Variants in ELF2 observed in about 807,000 individuals in gnomAD.
The protein encoded by ELF2 is E74 like ETS transcription factor 2.
A neutral mutation model predicts 54.8 loss-of-function variants in ELF2; 11 were observed. The observed-to-expected ratio is 0.20, with a 90% confidence interval of 0.13 to 0.33. ELF2 has a LOEUF of 0.33. Ranked by LOEUF, ELF2 falls within the 10% of genes least tolerant of loss-of-function variation. The pLI is 1.00. For synonymous variants in ELF2, 203 were observed against 245.1 expected (o/e 0.83, Z 1.61); for missense variants, 513 against 703.0 (o/e 0.73, Z 3.06).
rs539981644 is a variant in ELF2, at chr4:139,140,262, C to A, written c.-251-765G>T. Among the ~76,000 whole-genome samples, 4 of 152,286 alleles carry A rather than the reference C, an allele frequency of 2.6e-5. No homozygotes were observed. In the South Asian group the frequency reaches 6.2e-4, roughly 24 times the overall value. ...CACCAACTTAGCATCAGCACCCATCCAAACATCCCAAGCCCTACTTCTAAC... is the reference window on the plus strand; with the variant it reads ...CACCAACTTAGCATCAGCACCCATCAAAACATCCCAAGCCCTACTTCTAAC... On this transcript the variant is annotated intron_variant, in intron 1 of 9. Transcript: ENST00000686138.
intron 1 of ELF2, among the ~76,000 whole-genome samples, chr4:139,176,448 G>T (rs1384612832): frequency 7.0e-6 from 1 of 142,550 alleles, no homozygotes; most frequent in Non-Finnish European, 1.5e-5. Flanking sequence ...CCCAGGTCCC[G>T]CCCCGAGCTC....
chr4:139,073,566 C>A lies in ELF2; in HGVS notation c.240G>T (p.Val80=). ...CATTACTGCTGTGAACTGATGCTTC[C>A]ACTGGAGGAAAAATAAGTTCTACTC... The part of the protein sequence containing the change: ...QEVETENVET[V]EASVHSSNAH... Residue 80 remains valine (V), a splice_region_variant and synonymous_variant, in exon 5 of 10, where the codon GTG becomes GTT. Transcript: ENST00000686138. 1.3e-6 allele frequency: 2 copies of A among 1,513,338 alleles called. No homozygotes were observed. Among genetic ancestry groups the A allele is most frequent in the Non-Finnish European group, 1.8e-6 (2 of 1,120,576 alleles). The allele number at this position is 1,513,338 out of a possible 1,614,324, so 93.7% of individuals were successfully genotyped here.
chr4:139,078,435 G>A (rs959985242), intron 4 of ELF2, among the ~76,000 whole-genome samples: 3 of 152,054 alleles, frequency 2.0e-5, no homozygotes, highest in Admixed American at 6.6e-5. Flanking sequence ...ATAGGTAAAT[G>A]AAGAATACAA....
chr4:139,172,882 C>G (rs947103301), intron 1 of ELF2, among the ~76,000 whole-genome samples: 3 of 51,160 alleles, frequency 5.9e-5, no homozygotes, highest in Admixed American at 2.9e-4. Flanking sequence ...ACACAGATAA[C>G]GGGGGGGGGG....
At chr4:139,165,191 G>A (rs1228947891) in intron 1 of ELF2, among the ~76,000 whole-genome samples, 1 of 152,122 alleles carries the variant, frequency 6.6e-6, no homozygotes, top group African/African-American at 2.4e-5. Context: ...TTAAGGGTTT[G>A]GGGTTTTTGT....
At chr4:139,151,096 A>AAAGAAAGAGAGAGAGAAAGAAAGAAAG (rs1560871880) in intron 1 of ELF2, among the ~76,000 whole-genome samples, 4 of 128,210 alleles carry the variant, frequency 3.1e-5, no homozygotes, top group African/African-American at 1.3e-4. Flanking sequence ...AAGAAAGAAA[A>AAAGAAAGAGAGAGAGAAAGAAAGAAAG]AGAGAGCTAT....
At chr4:139,131,429 T>C (rs973231198) in intron 3 of ELF2, among the ~76,000 whole-genome samples, 58 of 152,334 alleles carry the variant, frequency 3.8e-4, no homozygotes, top group African/African-American at 1.4e-3. Context: ...CACTCAGTCA[T>C]TGCTCTCCAG....
rs1160121226 is a variant in ELF2, at chr4:139,057,955, A to G, written c.*1028T>C. On this transcript the variant is annotated 3_prime_UTR_variant, in exon 10 of 10. Coordinates refer to ENST00000686138, the MANE Select transcript of ELF2 (RefSeq NM_001331036.3). The stretch of plus-strand genomic sequence containing the variant: ...AATATACTTCAAATGTTGAATATAC[A>G]AACTATTATAGTTCAAAACTGAACA... 6.6e-6 allele frequency: 1 copy of G among 152,638 alleles called. No homozygotes were observed. The highest frequency in any genetic ancestry group is 1.5e-5 in the Non-Finnish European group (1 of 68,034). The allele number at this position is 152,638 out of a possible 1,614,324, so 9.5% of individuals were successfully genotyped here.
intron 4 of ELF2, among the ~76,000 whole-genome samples, chr4:139,117,258 T>C (rs1383690143): frequency 6.6e-6 from 1 of 152,198 alleles, no homozygotes; most frequent in African/African-American, 2.4e-5. Flanking sequence ...TATATAATAT[T>C]TTACGATTAA....
intron 3 of ELF2, among the ~76,000 whole-genome samples, chr4:139,132,379 G>A (rs979997618): frequency 6.6e-6 from 1 of 151,966 alleles, no homozygotes; most frequent in Non-Finnish European, 1.5e-5. Context: ...TCAAGAAATA[G>A]AACATTTCCA....
At chr4:139,141,741 G>A (rs936759650) in intron 1 of ELF2, among the ~76,000 whole-genome samples, 1 of 152,144 alleles carries the variant, frequency 6.6e-6, no homozygotes, top group Non-Finnish European at 1.5e-5. Flanking sequence ...GGACAGTGCT[G>A]CTCTCTGGTC....
At chr4:139,146,797 T>C (rs1739265398) in intron 1 of ELF2, among the ~76,000 whole-genome samples, 1 of 152,154 alleles carries the variant, frequency 6.6e-6, no homozygotes, top group Non-Finnish European at 1.5e-5. Context: ...ATTTAATAAA[T>C]GGTGCTGAGA....
intron 3 of ELF2, among the ~76,000 whole-genome samples, chr4:139,128,403 C>T (rs927274609): frequency 8.5e-5 from 13 of 152,080 alleles, no homozygotes; most frequent in Non-Finnish European, 1.3e-4. Context: ...ACTGATCGAT[C>T]GAGACGTATA....
intron 4 of ELF2, among the ~76,000 whole-genome samples, chr4:139,095,572 T>A (rs1384202732): frequency 6.6e-6 from 1 of 152,088 alleles, no homozygotes; most frequent in Non-Finnish European, 1.5e-5. Flanking sequence ...TTTTAACAAA[T>A]TTTTTTTAAA....
chr4:139,148,235 C>T (rs1225130296), intron 1 of ELF2, among the ~76,000 whole-genome samples: 1 of 151,078 alleles, frequency 6.6e-6, no homozygotes, highest in East Asian at 1.9e-4. Context: ...GCAGCCTTGA[C>T]CTCCTGGGCT....
chr4:139,134,381 TTTTG>T (rs905366843), intron 3 of ELF2, among the ~76,000 whole-genome samples: 28 of 151,824 alleles, frequency 1.8e-4, no homozygotes, highest in African/African-American at 5.1e-4. Flanking sequence ...TTTTCATTGT[TTTTG>T]TTTGTTTGTC....
Position 139,058,855 on chromosome 4 carries a change from CTGAT to C in ELF2, c.*124_*127del, listed in dbSNP as rs1352862429. ...GATAGGTAATTTATTTCCAGTAAGT[CTGAT>C]TGTTTTTGTATATGCATTAAAAATG... On this transcript the variant is annotated 3_prime_UTR_variant, in exon 10 of 10. Coordinates refer to ENST00000686138, the MANE Select transcript of ELF2 (RefSeq NM_001331036.3). The C allele has an allele frequency of 1.0e-5, 13 of 1,304,792 alleles. No homozygotes were observed. The Admixed American group carries it at 2.0e-4, about 20-fold the overall frequency. The allele number at this position is 1,304,792 out of a possible 1,614,324, so 80.8% of individuals were successfully genotyped here.
intron 1 of ELF2, among the ~76,000 whole-genome samples, chr4:139,148,693 T>C (rs1255947341): frequency 6.6e-6 from 1 of 152,092 alleles, no homozygotes; most frequent in Non-Finnish European, 1.5e-5. Context: ...ATTCTGAAAA[T>C]TCATGTACAA....
chr4:139,141,981 A>G (rs1330121175), intron 1 of ELF2, among the ~76,000 whole-genome samples: 2 of 152,214 alleles, frequency 1.3e-5, no homozygotes, highest in Non-Finnish European at 2.9e-5. Context: ...CATTAATTCA[A>G]TCACACAAAC....
Sources: allele counts gnomAD v4.1 joint callset (sites outside exome capture counted in the v4.1 genomes callset), GRCh38; gene constraint gnomAD v4.1.1; transcripts MANE v1.5; gene names NCBI Gene and HGNC (gene_info 2026-07-23, HGNC 2026-07-21).